Variants in PTPN2 observed in about 807,000 individuals in gnomAD.
PTPN2 encodes the protein tyrosine-protein phosphatase non-receptor type 2.
PTPN2 carries 19 observed loss-of-function variants against 57.3 expected under a neutral mutation model. The observed-to-expected ratio is 0.33, with a 90% confidence interval of 0.23 to 0.49. The LOEUF is 0.49. Ranked by LOEUF, PTPN2 falls within the 20% of genes least tolerant of loss-of-function variation. PTPN2 has a pLI of 0.99. For missense variants in PTPN2, 358 were observed against 501.1 expected (o/e 0.71, Z 2.73); for synonymous variants, 153 against 164.9 (o/e 0.93, Z 0.55).
intron 2 of PTPN2, among the ~76,000 whole-genome samples, chr18:12,856,252 G>A (rs1392040874): frequency 2.6e-5 from 4 of 152,208 alleles, no homozygotes. Flanking sequence ...GTGGGGATGT[G>A]CTGGCCAGCA....
At chr18:12,862,156 CT>C (rs71174145) in intron 1 of PTPN2, 211 of 143,976 alleles carry the variant, frequency 1.5e-3, no homozygotes, top group Middle Eastern at 7.1e-3. Context: ...CTTTCTCTTT[CT>C]TTTTTTTTTT....
intron 1 of PTPN2, among the ~76,000 whole-genome samples, chr18:12,883,282 T>A (rs555002881): frequency 6.6e-6 from 1 of 152,316 alleles, no homozygotes; most frequent in African/African-American, 2.4e-5. Context: ...ATAAAGAGAA[T>A]GACACGCTAT....
intron 7 of PTPN2, among the ~76,000 whole-genome samples, chr18:12,807,588 T>TAAAA (rs1568093150): frequency 2.4e-5 from 1 of 42,030 alleles, no homozygotes; most frequent in Non-Finnish European, 5.7e-5. Flanking sequence ...AAAAAAAAAA[T>TAAAA]ATATATATAT....
rs116273989 is a variant in PTPN2 at position 12,812,802 on chromosome 18, C to T, written c.858+1401G>A. On this transcript the variant is annotated intron_variant, in intron 7 of 8. Coordinates refer to ENST00000309660, the MANE Select transcript of PTPN2 (RefSeq NM_002828.4). ...GAGTACCTGAAGGATAAAGATGTTT[C>T]CAATATCCTATCTGGAATAGGGGCA... 2.1e-3 allele frequency among the ~76,000 whole-genome samples: 314 copies of T among 152,158 alleles called. 1 individual carries two copies. The Middle Eastern group carries it at 0.024, about 12-fold the overall frequency.
At chr18:12,878,936 G>A (rs566692180) in intron 1 of PTPN2, among the ~76,000 whole-genome samples, 7 of 152,272 alleles carry the variant, frequency 4.6e-5, no homozygotes, top group Non-Finnish European at 1.0e-4. Flanking sequence ...TAGCTTTTGC[G>A]ATTCCCCAGT....
chr18:12,820,685 C>G (rs901097874), intron 5 of PTPN2, among the ~76,000 whole-genome samples: 1 of 152,184 alleles, frequency 6.6e-6, no homozygotes, highest in Non-Finnish European at 1.5e-5. Flanking sequence ...ACCCTTCTCG[C>G]TGCTTCACCC....
At chr18:12,802,814 T>C (rs1171139150) in intron 7 of PTPN2, among the ~76,000 whole-genome samples, 2 of 152,176 alleles carry the variant, frequency 1.3e-5, no homozygotes. Context: ...AAGCAAAAGC[T>C]GCAAGAATTT....
intron 7 of PTPN2, among the ~76,000 whole-genome samples, chr18:12,808,544 G>A (rs554684618): frequency 6.6e-6 from 1 of 152,234 alleles, no homozygotes; most frequent in Non-Finnish European, 1.5e-5. Context: ...ACTTTGGGAG[G>A]CTGAGGCAGG....
intron 9 of PTPN2, chr18:12,786,208 A>C: frequency 3.4e-6 from 1 of 292,342 alleles, no homozygotes; most frequent in Non-Finnish European, 6.4e-6. Flanking sequence ...GAATTTAGCA[A>C]GACTTTATAC....
Position 12,793,990 on chromosome 18 carries a change from G to A in PTPN2, c.*288C>T. ...TAAAGGATATCTCAATGTTGGTCAG[G>A]TGAAATACTGTGTTTGACATGTATG... On this transcript the variant is annotated 3_prime_UTR_variant, in exon 9 of 9. Transcript: ENST00000309660. 1.6e-6 allele frequency: 2 copies of A among 1,261,142 alleles called. No individual in the cohort carries two copies. Among genetic ancestry groups the A allele is most frequent in the African/African-American group, 1.5e-5 (1 of 66,416 alleles). The allele number at this position is 1,261,142 out of a possible 1,614,324, so 78.1% of individuals were successfully genotyped here. A position where few individuals can be genotyped will look rare whatever the true frequency, so the allele number is the denominator to read the frequency against.
intron 2 of PTPN2, among the ~76,000 whole-genome samples, chr18:12,849,182 C>T (rs560516884): frequency 6.6e-6 from 1 of 152,302 alleles, no homozygotes; most frequent in Admixed American, 6.5e-5. Context: ...CATTTTTAAT[C>T]CTCAGCAAGG....
chr18:12,799,367 A>G (rs2041318890), intron 8 of PTPN2, among the ~76,000 whole-genome samples: 1 of 151,830 alleles, frequency 6.6e-6, no homozygotes, highest in Non-Finnish European at 1.5e-5. Flanking sequence ...CAGTGAGCCA[A>G]GACTGCGCCA....
chr18:12,835,032 G>A (rs1469334117), intron 3 of PTPN2, among the ~76,000 whole-genome samples: 1 of 152,052 alleles, frequency 6.6e-6, no homozygotes, highest in Admixed American at 6.5e-5. Context: ...TGTATGCATG[G>A]ATTTCACATC....
At chr18:12,874,445 G>C (rs569780514) in intron 1 of PTPN2, among the ~76,000 whole-genome samples, 2 of 146,428 alleles carry the variant, frequency 1.4e-5, no homozygotes, top group African/African-American at 5.1e-5. Context: ...CGCCTCGTCC[G>C]GGAGGTGAGG....
chr18:12,810,000 G>A (rs886229561), intron 7 of PTPN2, among the ~76,000 whole-genome samples: 5 of 151,936 alleles, frequency 3.3e-5, no homozygotes, highest in Non-Finnish European at 7.4e-5. Flanking sequence ...TGGGCAACAT[G>A]GTGAAACCCC....
In PTPN2 at chr18:12,829,867, T is replaced by A. The variant is rs773432726; in HGVS notation, c.360+1076A>T. Among the ~76,000 whole-genome samples, 48 of 152,198 alleles carry A rather than the reference T, an allele frequency of 3.2e-4. 1 individual carries two copies. The highest frequency in any genetic ancestry group is 3.3e-4 in the Admixed American group (5 of 15,282). On this transcript the variant is annotated intron_variant, in intron 4 of 8. Transcript: ENST00000309660. ...TAAAAAGAACAATAATCAGACATTA[T>A]GGGTCTCTTGATGAATAACACATTA...
intron 1 of PTPN2, among the ~76,000 whole-genome samples, chr18:12,882,475 C>T (rs59817860): frequency 0.012 from 1,784 of 152,264 alleles, 38 homozygotes; most frequent in African/African-American, 0.04. Flanking sequence ...ATTTCTTAAA[C>T]CAAAATGTTA....
chr18:12,860,790 G>A (rs1228836830), intron 1 of PTPN2, among the ~76,000 whole-genome samples: 1 of 64,632 alleles, frequency 1.5e-5, no homozygotes, highest in African/African-American at 3.2e-5. Context: ...CAACATAGAA[G>A]ACATTCTGTA....
intron 3 of PTPN2, among the ~76,000 whole-genome samples, chr18:12,835,382 C>CTTTTTCT: frequency 1.0e-5 from 1 of 99,020 alleles, no homozygotes; most frequent in East Asian, 3.4e-4. Flanking sequence ...TCACATATGT[C>CTTTTTCT]TTTTTTTTTT....
Sources: allele counts gnomAD v4.1 joint callset (sites outside exome capture counted in the v4.1 genomes callset), GRCh38; gene constraint gnomAD v4.1.1; transcripts MANE v1.5; gene names NCBI Gene and HGNC (gene_info 2026-07-23, HGNC 2026-07-21).